Variants in NUP214 observed in about 807,000 individuals in gnomAD.
NUP214 encodes the protein nuclear pore complex protein Nup214.
Under a neutral mutation model 196.2 loss-of-function variants are expected in NUP214, and 79 were observed. The observed-to-expected ratio is 0.40, with a 90% confidence interval of 0.34 to 0.49. NUP214 has a LOEUF of 0.49. NUP214 is among the 20% of genes least tolerant of loss of function. NUP214 has a pLI of 0.58. For missense variants in NUP214, 2,468 were observed against 2,539.0 expected (o/e 0.97, Z 0.60); for synonymous variants, 1,020 against 990.5 (o/e 1.03, Z -0.56).
chr9:131,190,634 T>C, intron 26 of NUP214: 1 of 522,556 alleles, frequency 1.9e-6, no homozygotes, highest in East Asian at 3.3e-5. Flanking sequence ...AATACCTTCA[T>C]TGTTTTTCTG....
At chr9:131,215,730 GGA>G (rs1245378695) in intron 31 of NUP214, among the ~76,000 whole-genome samples, 2 of 152,004 alleles carry the variant, frequency 1.3e-5, no homozygotes, top group African/African-American at 4.8e-5. Context: ...GATGCTGGGA[GGA>G]GAGCATGCAG....
intron 19 of NUP214, among the ~76,000 whole-genome samples, 170 bp from the exon 20 acceptor site, chr9:131,163,700 A>T (rs2133556665): frequency 6.6e-6 from 1 of 152,266 alleles, no homozygotes; most frequent in South Asian, 2.1e-4. Flanking sequence ...ATATAATATG[A>T]TTGTGATCTC....
chr9:131,129,232 T>C, intron 3 of NUP214, 47 bp from the exon 4 acceptor site: 2 of 1,482,368 alleles, frequency 1.3e-6, no homozygotes, highest in Non-Finnish European at 1.9e-6. Flanking sequence ...TGTTTCTGCA[T>C]TTACTATTTG....
chr9:131,224,781 A>C (rs1267132303), intron 32 of NUP214, among the ~76,000 whole-genome samples: 3 of 152,204 alleles, frequency 2.0e-5, no homozygotes, highest in Non-Finnish European at 4.4e-5. Context: ...CACACAGTGC[A>C]TTGTTTAAAA....
At position 131,149,771 on chromosome 9, in the gene NUP214, G is replaced by A. The variant is rs138558399; in HGVS notation, c.2041-553G>A. On this transcript the variant is annotated intron_variant, in intron 14 of 35. Transcript: ENST00000359428. ...GGTGTGACCTTATATGACCTACCCC[G>A]GCCTGCCTTCCTGACTCTACCCCTG... is the stretch of plus-strand genomic sequence containing the variant. Among the ~76,000 whole-genome samples the A allele has an allele frequency of 2.2e-4, 34 of 152,044 alleles. No homozygotes were observed. In the East Asian group the frequency reaches 5.2e-3, roughly 23 times the overall value.
intron 31 of NUP214, among the ~76,000 whole-genome samples, chr9:131,216,738 G>A (rs1002923728): frequency 6.6e-5 from 10 of 151,018 alleles, no homozygotes; most frequent in African/African-American, 2.2e-4. Context: ...TGTTGGCCAG[G>A]CTGGTCTCGA....
rs1316923184 is a variant in NUP214 at position 131,198,233 on chromosome 9, A to T, written c.4739A>T (p.Glu1580Val). The change falls in exon 29 of 36, where the codon GAG becomes GTG. Residue 1580 changes from glutamate to valine, a missense_variant. Glu to Val is a moderately radical substitution (Grantham distance 121). This residue lies in a region of NUP214 where 1,801 missense variants were observed against 1,779.4 expected (regional missense o/e 1.01). Transcript: ENST00000359428. Reference sequence around the variant, plus strand: ...ACGGGGGTCCCTGATGCCAGGACGGAGGCAGTACCACCTGCTTCCTCCTTT... The same window carrying T: ...ACGGGGGTCCCTGATGCCAGGACGGTGGCAGTACCACCTGCTTCCTCCTTT... ...ATTGVPDARTEAVPPASSFSV... is the reference protein window; with the variant it reads ...ATTGVPDARTVAVPPASSFSV... The T allele has an allele frequency of 6.2e-7, 1 of 1,614,094 alleles. No individual in the cohort carries two copies.
chr9:131,223,461 A>G (rs553827941), intron 32 of NUP214, among the ~76,000 whole-genome samples: 1 of 152,006 alleles, frequency 6.6e-6, no homozygotes, highest in South Asian at 2.1e-4. Context: ...CACCGCGCCC[A>G]GCTGTAATGC....
intron 30 of NUP214, among the ~76,000 whole-genome samples, chr9:131,212,162 CTT>C (rs1330275058): frequency 2.6e-5 from 4 of 152,164 alleles, no homozygotes; most frequent in Admixed American, 1.3e-4. Context: ...CCCCAGGCCT[CTT>C]AGGATTGGGA....
intron 21 of NUP214, among the ~76,000 whole-genome samples, chr9:131,165,624 A>G (rs1049529655): frequency 7.2e-5 from 11 of 152,246 alleles, no homozygotes; most frequent in Admixed American, 3.9e-4. Flanking sequence ...ACTTCTGGGT[A>G]TATACCCCAA....
At chr9:131,154,295 G>A (rs1832367068) in intron 17 of NUP214, among the ~76,000 whole-genome samples, 1 of 151,984 alleles carries the variant, frequency 6.6e-6, no homozygotes. Context: ...TTCTTTAGTG[G>A]TGATTTCTGA....
Position 131,127,658 on chromosome 9 carries a change from G to C in NUP214, c.180G>C (p.Gln60His), listed in dbSNP as rs1379963828. 5.6e-6 allele frequency: 9 copies of C among 1,613,980 alleles called. No individual in the cohort carries two copies. The highest frequency in any genetic ancestry group is 7.6e-6 in the Non-Finnish European group (9 of 1,180,022). ...LVFAGGASGL[Q>H]IFPTKNLLIQ... ...TCGCTGGTGGAGCCAGTGGCTTGCA[G>C]ATTTTTCCTACTAAAAATCTTCTTA... is the stretch of plus-strand genomic sequence containing the variant. The change falls in exon 2 of 36, where the codon CAG becomes CAC. Residue 60 changes from glutamine (Q) to histidine (H), a missense_variant. Around this residue, in one of 5 missense-constraint regions of NUP214, gnomAD observed 392 missense variants for 417.9 expected, o/e 0.94. Coordinates refer to ENST00000359428, the MANE Select transcript of NUP214 (RefSeq NM_005085.4).
intron 30 of NUP214, among the ~76,000 whole-genome samples, chr9:131,204,959 A>G (rs942929090): frequency 7.2e-5 from 11 of 152,256 alleles, no homozygotes; most frequent in Non-Finnish European, 1.5e-4. Context: ...AGCAATGACC[A>G]TGAAAGCCAG....
chr9:131,231,199 A>G (rs1335721573), intron 34 of NUP214, among the ~76,000 whole-genome samples: 1 of 151,980 alleles, frequency 6.6e-6, no homozygotes, highest in East Asian at 1.9e-4. Context: ...ATATATATAT[A>G]TATATATTTT....
At position 131,146,060 on chromosome 9, in the gene NUP214, A is replaced by G; in HGVS notation, c.1770-69A>G. On this transcript the variant is annotated intron_variant, in intron 12 of 35. Coordinates refer to ENST00000359428, the MANE Select transcript of NUP214 (RefSeq NM_005085.4). The surrounding 1 kb of genome is among the most constrained non-coding windows in gnomAD (Gnocchi z 4.6). ...AGATAATAAGTTATCTTTTGATGACATTGCTCATGCTAGTGTAAAAGAATC... is the reference window on the plus strand; with the variant it reads ...AGATAATAAGTTATCTTTTGATGACGTTGCTCATGCTAGTGTAAAAGAATC... 3 of 1,353,022 alleles carry G rather than the reference A, an allele frequency of 2.2e-6. No homozygotes were observed. Among genetic ancestry groups the G allele is most frequent in the East Asian group, 2.3e-5 (1 of 43,182 alleles). 83.8% of individuals were successfully genotyped at this position (1,353,022 alleles called of 1,614,324 possible). A position where few individuals can be genotyped will look rare whatever the true frequency, so the allele number is the denominator to read the frequency against.
Position 131,197,313 on chromosome 9 carries a change from T to G in NUP214, c.3819T>G (p.Pro1273=). Residue 1273 remains proline (P), a synonymous_variant, in exon 29 of 36, where the codon CCT becomes CCG. Transcript: ENST00000359428. ...PSYEAIPESS[P]PSGITSASNT... is the part of the protein sequence containing the mutation. ...ATGAGGCCATTCCTGAAAGCTCACC[T>G]CCCTCAGGAATCACATCCGCATCAA... is the stretch of plus-strand genomic sequence containing the variant. 1.2e-6 allele frequency: 2 copies of G among 1,614,064 alleles called. No individual in the cohort carries two copies. The highest frequency in any genetic ancestry group is 1.7e-6 in the Non-Finnish European group (2 of 1,179,986).
Position 131,150,391 on chromosome 9 carries a change from T to C in NUP214, c.2108T>C (p.Met703Thr), listed in dbSNP as rs756328262. ...GHQWKDSDPV[M>T]AGIGEEIAHF... ...CAGTGGAAAGATTCAGATCCTGTAA[T>C]GGCTGGAATTGGGGAGGAGGTAAAT... The change falls in exon 15 of 36, where the codon ATG (methionine) becomes ACG (threonine). Residue 703 changes from methionine (M) to threonine (T), a missense_variant. Physicochemically the swap from Met to Thr is moderately conservative, Grantham distance 81 (BLOSUM62 -1). This residue lies in a region of NUP214 where 1,801 missense variants were observed against 1,779.4 expected (regional missense o/e 1.01). Transcript: ENST00000359428. The C allele has an allele frequency of 6.2e-7, 1 of 1,614,056 alleles. No individual in the cohort carries two copies. The highest frequency in any genetic ancestry group is 1.7e-5 in the Admixed American group (1 of 60,006).
In NUP214 at chr9:131,144,605, T is replaced by TC. The variant is rs766068463; in HGVS notation, c.1622dup (p.Ser542IlefsTer13). On this transcript the variant is annotated frameshift_variant, in exon 12 of 36. Coordinates refer to ENST00000359428, the MANE Select transcript of NUP214 (RefSeq NM_005085.4). LOFTEE classifies it high-confidence loss of function. ...CCACCCCTGCAGCGTCTCCTGTGGC[T>TC]CCATCAGCTGCTTCATTCTCCTTTG... is the stretch of plus-strand genomic sequence containing the variant. 1 of 1,614,130 alleles carries TC rather than the reference T, an allele frequency of 6.2e-7. No homozygotes were observed. The highest frequency in any genetic ancestry group is 1.1e-5 in the South Asian group (1 of 91,076).
chr9:131,200,502 G>A (rs1456724055), intron 29 of NUP214, among the ~76,000 whole-genome samples: 1 of 152,214 alleles, frequency 6.6e-6, no homozygotes, highest in Non-Finnish European at 1.5e-5. Context: ...CTGAGGTCAG[G>A]AGTTTGAGAC....
Sources: gnomAD v4.1 joint callset for allele counts (sites outside exome capture counted in the v4.1 genomes callset) on GRCh38, gnomAD v4.1.1 for gene constraint, gnomAD v4.1.1 regional missense constraint, Gnocchi (gnomAD v3.1) non-coding constraint, MANE v1.5 for transcripts, NCBI Gene and HGNC (gene_info 2026-07-23, HGNC 2026-07-21) for gene names.